Variants in NDRG1 observed in about 807,000 individuals in gnomAD.
The protein encoded by NDRG1 is protein NDRG1.
NDRG1 carries 32 observed loss-of-function variants against 56.9 expected under a neutral mutation model. That is an observed-to-expected ratio of 0.56 (90% CI 0.42 to 0.76). NDRG1 has a LOEUF of 0.76. Ranked by LOEUF, NDRG1 falls within the 30% of genes least tolerant of loss-of-function variation. The pLI is 0.00. For missense variants in NDRG1, 507 were observed against 545.7 expected (o/e 0.93, Z 0.71); for synonymous variants, 211 against 204.1 (o/e 1.03, Z -0.29).
chr8:133,256,716 C>T, intron 8 of NDRG1, 61 bp downstream of exon 8: 1 of 1,512,346 alleles, frequency 6.6e-7, no homozygotes, highest in South Asian at 1.1e-5. Context: ...CAGGCAGAGG[C>T]TGTGTGCACC....
chr8:133,285,728 C>T (rs1017264198), intron 1 of NDRG1, among the ~76,000 whole-genome samples: 2 of 152,324 alleles, frequency 1.3e-5, no homozygotes, highest in Middle Eastern at 3.4e-3. Context: ...GATAACCAGC[C>T]CCACAAGAAT....
chr8:133,255,030 C>T (rs1856291963), intron 8 of NDRG1: 1 of 326,392 alleles, frequency 3.1e-6, no homozygotes, highest in South Asian at 2.6e-5. Context: ...AGCCAGTTTC[C>T]CCTTTCTAAG....
Position 133,242,013 on chromosome 8 carries a change from C to T in NDRG1, c.943+10G>A, listed in dbSNP as rs1855411732. The T allele has an allele frequency of 6.2e-7, 1 of 1,614,060 alleles. No homozygotes were observed. The highest frequency in any genetic ancestry group is 8.5e-7 in the Non-Finnish European group (1 of 1,180,004). On this transcript the variant is annotated intron_variant, in intron 15 of 15. Coordinates refer to ENST00000323851, the MANE Select transcript of NDRG1 (RefSeq NM_006096.4). ...CCCGACCCACTGCACACGGGGAATG[C>T]CATACTCACTGTATCCCATGCCCTG...
At chr8:133,261,987 AACCCCTCCCCG>A in intron 5 of NDRG1, 49 bp downstream of exon 5, 1 of 1,535,220 alleles carries the variant, frequency 6.5e-7, no homozygotes, top group East Asian at 2.3e-5. Context: ...AAAGCACCTG[AACCCCTCCCCG>A]ACACCCAGTT....
chr8:133,244,287 A>G, intron 14 of NDRG1, 68 bp downstream of exon 14: 1 of 1,571,954 alleles, frequency 6.4e-7, no homozygotes, highest in Non-Finnish European at 8.8e-7. Context: ...CAGGTGTCAC[A>G]GAGGCACATG....
intron 15 of NDRG1, 131 bp downstream of exon 15, chr8:133,241,892 C>G: frequency 9.5e-7 from 1 of 1,051,236 alleles, no homozygotes; most frequent in Non-Finnish European, 1.5e-6. Flanking sequence ...ACACACCTAA[C>G]TGTTTCCTCC....
intron 3 of NDRG1, among the ~76,000 whole-genome samples, chr8:133,279,737 G>A (rs1362378799): frequency 2.0e-5 from 3 of 152,186 alleles, no homozygotes; most frequent in African/African-American, 4.8e-5. Flanking sequence ...AGCCCAGCCC[G>A]TTCTCCTGAG....
chr8:133,239,026 G>A lies in NDRG1; in HGVS notation c.1037C>T (p.Thr346Ile), dbSNP rs1855229433. The A allele has an allele frequency of 1.3e-6, 2 of 1,598,794 alleles. No homozygotes were observed. Among genetic ancestry groups the A allele is most frequent in the African/African-American group, 1.3e-5 (1 of 74,986 alleles). Residue 346 changes from threonine (T) to isoleucine (I), a missense_variant, in exon 16 of 16, where the codon ACC (threonine) becomes ATC (isoleucine). Physicochemically the swap from Thr to Ile is moderately conservative, Grantham distance 89. Coordinates refer to ENST00000323851, the MANE Select transcript of NDRG1 (RefSeq NM_006096.4). The part of the protein sequence containing the change: ...SLDGTRSRSH[T>I]SEGTRSRSHT... ...GGAGCGGCTTCGGGTGCCCTCGCTG[G>A]TGTGGGAGCGGCTGCGGGTGCCATC... is the stretch of plus-strand genomic sequence containing the variant.
intron 12 of NDRG1, among the ~76,000 whole-genome samples, chr8:133,246,917 T>A (rs1855716899): frequency 6.6e-6 from 1 of 152,236 alleles, no homozygotes; most frequent in Non-Finnish European, 1.5e-5. Context: ...ATGGAGCTAA[T>A]ATCTTTTTTC....
At chr8:133,290,211 A>G (rs76775432) in intron 1 of NDRG1, among the ~76,000 whole-genome samples, 5,517 of 152,246 alleles carry the variant, frequency 0.036, 164 homozygotes, top group African/African-American at 0.07. Context: ...CCACAGGGTG[A>G]GGCTGAAGGG....
intron 8 of NDRG1, chr8:133,255,658 A>C: frequency 3.5e-6 from 1 of 287,018 alleles, no homozygotes; most frequent in South Asian, 3.1e-5. Flanking sequence ...GGGCTCCTGC[A>C]TTCTGGAGGA....
chr8:133,279,012 C>T (rs1370729382), intron 3 of NDRG1, among the ~76,000 whole-genome samples: 1 of 151,994 alleles, frequency 6.6e-6, no homozygotes, highest in Non-Finnish European at 1.5e-5. Context: ...TGTCTCAGCC[C>T]CCAAGTAGCT....
intron 3 of NDRG1, among the ~76,000 whole-genome samples, chr8:133,270,247 A>C (rs968817074): frequency 1.3e-5 from 2 of 152,214 alleles, no homozygotes; most frequent in Admixed American, 6.5e-5. Context: ...GGAAGCTGTC[A>C]AGTGGGGAAA....
chr8:133,254,455 C>T (rs1208674972), intron 9 of NDRG1, 84 bp downstream of exon 9: 1 of 1,454,820 alleles, frequency 6.9e-7, no homozygotes, highest in Non-Finnish European at 9.6e-7. Flanking sequence ...TTGTTCTCTC[C>T]ACCCCCACAT....
chr8:133,295,507 C>G lies in NDRG1; in HGVS notation c.-19+1627G>C, dbSNP rs114304522. 7.6e-3 allele frequency among the ~76,000 whole-genome samples: 1,165 copies of G among 152,362 alleles called. 11 individuals carry two copies. The highest frequency in any genetic ancestry group is 0.026 in the African/African-American group (1,062 of 41,580). ...TGCCGCCACACACACCACACAGAAC[C>G]GGTCTGCGTCTCCAGCCGTGTGTCT... is the stretch of plus-strand genomic sequence containing the variant. On this transcript the variant is annotated intron_variant, in intron 1 of 15. Coordinates refer to ENST00000323851, the MANE Select transcript of NDRG1 (RefSeq NM_006096.4).
intron 1 of NDRG1, among the ~76,000 whole-genome samples, chr8:133,294,466 G>A (rs34809027): frequency 0.11 from 17,045 of 152,212 alleles, 1,182 homozygotes; most frequent in African/African-American, 0.18. Context: ...GAGTCATCAC[G>A]CTTTCTCTCC....
rs1287094240 is a variant in NDRG1 at position 133,238,953 on chromosome 8, G to C, written c.1110C>G (p.Ala370=). 2 of 1,577,450 alleles carry C rather than the reference G, an allele frequency of 1.3e-6. No individual in the cohort carries two copies. The highest frequency in any genetic ancestry group is 1.9e-5 in the Admixed American group (1 of 53,526). ...CCGAGTTGGGGGTGATGTCCAGGTG[G>C]GCCCCCTCGCTGGTGTGCGAGCGGC... The part of the protein sequence containing the change: ...TRSRSHTSEG[A]HLDITPNSGA... Residue 370 remains alanine (A), a synonymous_variant, in exon 16 of 16, where the codon GCC becomes GCG. Transcript: ENST00000323851.
intron 11 of NDRG1, 145 bp from the exon 12 acceptor site, chr8:133,248,071 C>A: frequency 1.3e-6 from 1 of 772,856 alleles, no homozygotes. Flanking sequence ...CTTCATTCTC[C>A]TTTGATCTTA....
intron 10 of NDRG1, 141 bp from the exon 11 acceptor site, chr8:133,248,912 G>T: frequency 1.2e-6 from 1 of 851,818 alleles, no homozygotes. Flanking sequence ...GAGGCCCTGT[G>T]GCTTTCAGGA....
Sources: allele counts gnomAD v4.1 joint callset (sites outside exome capture counted in the v4.1 genomes callset), GRCh38; gene constraint gnomAD v4.1.1; transcripts MANE v1.5; gene names NCBI Gene and HGNC (gene_info 2026-07-23, HGNC 2026-07-21).